The following ACER1 variants were observed in gnomAD, a reference collection of about 807,000 sequenced individuals.
ACER1 encodes alkaline ceramidase 1, also known as CTB-180A7.3.
In ACER1, 28 loss-of-function variants were observed where a neutral mutation model predicts 24.9. That is an observed-to-expected ratio of 1.13 (90% CI 0.83 to 1.54). The LOEUF (loss-of-function observed/expected upper bound fraction) is 1.54. ACER1 is among the 40% of genes most tolerant of loss of function. The pLI is 0.00. For synonymous variants in ACER1, 132 were observed against 131.4 expected, an observed-to-expected ratio of 1.00 and a Z score of -0.03; for missense variants, 352 against 349.3, an observed-to-expected ratio of 1.01 and a Z score of -0.06.
chr19:6,358,723 C>T, the ACER1 span, among the ~76,000 whole-genome samples: 2 of 151,404 alleles, frequency 1.3e-5, no homozygotes, highest in East Asian at 1.9e-4. Flanking sequence ...CACCTGAGGT[C>T]GCGAGTTCGA....
the ACER1 span, among the ~76,000 whole-genome samples, chr19:6,359,365 C>T: frequency 6.7e-6 from 1 of 149,430 alleles, no homozygotes; most frequent in African/African-American, 2.5e-5. Flanking sequence ...GTTGCCCAGG[C>T]TGGAGTACAG....
intron 4 of ACER1, among the ~76,000 whole-genome samples, chr19:6,307,748 G>A (rs958305274): frequency 5.3e-5 from 8 of 151,962 alleles, no homozygotes; most frequent in East Asian, 3.9e-4. Flanking sequence ...CCGTGATTGC[G>A]CCGCTGCACT....
At chr19:6,359,316 G>A in the ACER1 span, among the ~76,000 whole-genome samples, 1 of 142,484 alleles carries the variant, frequency 7.0e-6, no homozygotes, top group Admixed American at 6.8e-5. Context: ...TGAATCTGCT[G>A]TGATTTTTTT....
chr19:6,358,517 C>T, the ACER1 span, among the ~76,000 whole-genome samples: 1 of 151,874 alleles, frequency 6.6e-6, no homozygotes, highest in Non-Finnish European at 1.5e-5. Flanking sequence ...GTCCCAGCTA[C>T]TTGGGAGGCC....
intron 1 of ACER1, among the ~76,000 whole-genome samples, chr19:6,317,917 T>A (rs28655343): frequency 6.6e-6 from 1 of 151,972 alleles, no homozygotes; most frequent in South Asian, 2.1e-4. Context: ...ACCATGTATG[T>A]CTAATTTTTG....
chr19:6,311,842 C>A (rs916423449), intron 3 of ACER1, among the ~76,000 whole-genome samples: 4 of 151,606 alleles, frequency 2.6e-5, no homozygotes, highest in South Asian at 4.2e-4. Context: ...GTCCCTCAGG[C>A]CCAGGTAAGT....
intron 1 of ACER1, among the ~76,000 whole-genome samples, chr19:6,316,359 A>G (rs546552761): frequency 2.0e-4 from 30 of 152,320 alleles, no homozygotes; most frequent in African/African-American, 7.0e-4. Flanking sequence ...AGATTGCTTG[A>G]GCACAGGAGT....
At chr19:6,357,469 G>A in the ACER1 span, among the ~76,000 whole-genome samples, 1 of 151,912 alleles carries the variant, frequency 6.6e-6, no homozygotes, top group East Asian at 1.9e-4. Flanking sequence ...ACGGGGAACC[G>A]CAGTTCAATT....
At chr19:6,350,457 G>T in the ACER1 span, among the ~76,000 whole-genome samples, 3 of 152,106 alleles carry the variant, frequency 2.0e-5, no homozygotes, top group African/African-American at 7.2e-5. Context: ...TGTAATCCCA[G>T]GTACTCGGGA....
At chr19:6,339,560 C>T in the ACER1 span, among the ~76,000 whole-genome samples, 32 of 152,126 alleles carry the variant, frequency 2.1e-4, no homozygotes, top group South Asian at 5.0e-3. Context: ...CATAGACATG[C>T]GAATGTGCTT....
the ACER1 span, among the ~76,000 whole-genome samples, chr19:6,353,820 C>T: frequency 0.06 from 9,058 of 151,178 alleles, 392 homozygotes; most frequent in African/African-American, 0.12. Context: ...AGCGAAACCC[C>T]ATCTCATAAA....
chr19:6,356,735 A>C, the ACER1 span, among the ~76,000 whole-genome samples: 1 of 152,162 alleles, frequency 6.6e-6, no homozygotes, highest in East Asian at 1.9e-4. Context: ...AAAAAAAAAA[A>C]AACTTTAAAA....
the ACER1 span, among the ~76,000 whole-genome samples, chr19:6,347,584 C>G: frequency 6.6e-6 from 1 of 151,882 alleles, no homozygotes; most frequent in Non-Finnish European, 1.5e-5. Context: ...GCCTGTTATC[C>G]CAGCACTTTG....
intron 1 of ACER1, among the ~76,000 whole-genome samples, chr19:6,322,998 G>A (rs2032309584): frequency 6.6e-6 from 1 of 152,078 alleles, no homozygotes; most frequent in South Asian, 2.1e-4. Flanking sequence ...TGTAAGCCCA[G>A]CTACTCAGGA....
intron 5 of ACER1, 99 bp from the exon 6 acceptor site, chr19:6,306,981 G>A: frequency 6.7e-7 from 1 of 1,500,690 alleles, no homozygotes; most frequent in South Asian, 1.3e-5. Context: ...TCCATCCAGG[G>A]GAGCCTTCTG....
chr19:6,333,318 C>A, intron 1 of ACER1, 141 bp downstream of exon 1: 1 of 599,122 alleles, frequency 1.7e-6, no homozygotes, highest in African/African-American at 1.9e-5. Flanking sequence ...TGAAAGCTGG[C>A]ACTCTTTGGC....
At chr19:6,321,592 AT>A (rs139423125) in intron 1 of ACER1, among the ~76,000 whole-genome samples, 5,409 of 150,448 alleles carry the variant, frequency 0.036, 336 homozygotes, top group African/African-American at 0.13. Context: ...AGTTTCTTGT[AT>A]TTTTTTCTTT....
chr19:6,309,556 G>T, intron 4 of ACER1, 141 bp downstream of exon 4: 1 of 1,076,646 alleles, frequency 9.3e-7, no homozygotes, highest in Non-Finnish European at 1.4e-6. Context: ...AAACTCTGCA[G>T]TCAGTCAGGT....
At chr19:6,327,801 G>A (rs2091668491) in intron 1 of ACER1, among the ~76,000 whole-genome samples, 3 of 151,860 alleles carry the variant, frequency 2.0e-5, no homozygotes, top group Admixed American at 6.6e-5. Context: ...AATTGGCCAG[G>A]CACGGTGGCT....
Sources: gnomAD v4.1 joint callset for allele counts (sites outside exome capture counted in the v4.1 genomes callset) on GRCh38, gnomAD v4.1.1 for gene constraint, MANE v1.5 for transcripts, NCBI Gene and HGNC (gene_info 2026-07-23, HGNC 2026-07-21) for gene names.